PNLDC1: variants seen among roughly 807,000 people sequenced by gnomAD.
PNLDC1 encodes poly(A)-specific ribonuclease PNLDC1.
In PNLDC1, 70 loss-of-function variants were observed where a neutral mutation model predicts 82.0. The observed-to-expected ratio is 0.85, with a 90% CI of 0.70 to 1.04. PNLDC1 has a LOEUF of 1.04. Among genes scored for constraint, PNLDC1 ranks in the 50% least tolerant of loss-of-function variants. The pLI, the probability that PNLDC1 is intolerant of heterozygous loss-of-function variation, is 0.00. For synonymous variants in PNLDC1, 280 were observed against 249.3 expected (o/e 1.12, Z -1.16); for missense variants, 631 against 661.1 (o/e 0.95, Z 0.50).
At position 159,818,645 on chromosome 6, in the gene PNLDC1, C is replaced by T. The variant is rs1205569130; in HGVS notation, c.1248C>T (p.Val416=). 1.9e-6 allele frequency: 3 copies of T among 1,613,354 alleles called. No individual in the cohort carries two copies. Among genetic ancestry groups the T allele is most frequent in the Non-Finnish European group, 2.5e-6 (3 of 1,179,764 alleles). The change falls in exon 16 of 19, where the codon GTC becomes GTT. Residue 416 remains valine, a synonymous_variant. Transcript: ENST00000392167. The part of the protein sequence containing the change: ...VNQVNLIRAG[V]PKINFSGPDY... ...AAGTGAACCTCATCCGAGCGGGGGT[C>T]CCAAAGATCGTGAGTAGATCTCATT...
At position 159,818,128 on chromosome 6, in the gene PNLDC1, A is replaced by C. The variant is rs1583184765; in HGVS notation, c.1158-427A>C. The stretch of plus-strand genomic sequence containing the variant: ...GTGGTTTTGCCGGGGCCCTGCGCTC[A>C]GGTGTGTGTGCTCCCTGGACAGAGG... On this transcript the variant is annotated intron_variant, in intron 15 of 18. Coordinates refer to ENST00000392167, the MANE Select transcript of PNLDC1 (RefSeq NM_001271862.2). Among the ~76,000 whole-genome samples the C allele has an allele frequency of 2.0e-5, 3 of 152,268 alleles. No individual in the cohort carries two copies. The South Asian group carries it at 6.2e-4, about 32-fold the overall frequency.
Position 159,819,384 on chromosome 6 carries a change from C to G in PNLDC1, c.1532+32C>G. The G allele has an allele frequency of 1.3e-6, 2 of 1,592,718 alleles. No individual in the cohort carries two copies. The highest frequency in any genetic ancestry group is 2.2e-5 in the South Asian group (2 of 90,302). The stretch of plus-strand genomic sequence containing the variant: ...GACAGGCTGAGGCCACCTGCCTGTC[C>G]TGGGGTCCTGGAGTGCCCGGGGTCC... On this transcript the variant is annotated intron_variant, in intron 18 of 18. Coordinates refer to ENST00000392167, the MANE Select transcript of PNLDC1 (RefSeq NM_001271862.2). The surrounding 1 kb of genome is among the most constrained non-coding windows in gnomAD (Gnocchi z 4.6).
chr6:159,800,695 C>T (rs762387295), intron 1 of PNLDC1, 77 bp from the exon 2 acceptor site: 13 of 1,613,938 alleles, frequency 8.1e-6, no homozygotes, highest in Middle Eastern at 1.6e-4. Flanking sequence ...GTGCCTTGGC[C>T]GCCTGCAGAT....
chr6:159,806,167 T>A (rs1781439710), intron 7 of PNLDC1, 84 bp downstream of exon 7: 10 of 1,056,298 alleles, frequency 9.5e-6, no homozygotes, highest in Non-Finnish European at 1.5e-5. Flanking sequence ...ACACACCCTT[T>A]CTTGGGATCC....
intron 10 of PNLDC1, among the ~76,000 whole-genome samples, chr6:159,810,317 T>A (rs1781604935): frequency 6.6e-6 from 1 of 152,208 alleles, no homozygotes; most frequent in Non-Finnish European, 1.5e-5. Flanking sequence ...AATTTAAATT[T>A]GAATTGATAC....
intron 11 of PNLDC1, among the ~76,000 whole-genome samples, chr6:159,812,902 A>G (rs1347904147): frequency 6.6e-6 from 1 of 152,188 alleles, no homozygotes; most frequent in African/African-American, 2.4e-5. Flanking sequence ...GCACACCTCC[A>G]GTCCTGGCTA....
intron 7 of PNLDC1, 79 bp downstream of exon 7, chr6:159,806,162 C>G (rs543982495): frequency 1.8e-6 from 2 of 1,110,572 alleles, no homozygotes; most frequent in East Asian, 2.4e-5. Flanking sequence ...GGGAAACACA[C>G]CCTTTCTTGG....
chr6:159,801,133 A>G lies in PNLDC1; in HGVS notation c.155A>G (p.Glu52Gly). The G allele has an allele frequency of 6.2e-7, 1 of 1,614,158 alleles. No individual in the cohort carries two copies. The highest frequency in any genetic ancestry group is 8.5e-7 in the Non-Finnish European group (1 of 1,180,018). The change falls in exon 3 of 19, where the codon GAG becomes GGG. Residue 52 changes from glutamate (E) to glycine (G), a missense_variant. Coordinates refer to ENST00000392167, the MANE Select transcript of PNLDC1 (RefSeq NM_001271862.2). ...QQISLFDLPS[E>G]WYLKTRQSVQ... is the part of the protein sequence containing the mutation. Reference sequence around the variant, plus strand: ...CACAGTCTTTTTGATTTGCCATCGGAGTGGTATCTAAAGACCCGTCAGAGT... The same window carrying G: ...CACAGTCTTTTTGATTTGCCATCGGGGTGGTATCTAAAGACCCGTCAGAGT...
chr6:159,820,389 G>A, intron 18 of PNLDC1, 65 bp from the exon 19 acceptor site: 1 of 1,507,286 alleles, frequency 6.6e-7, no homozygotes, highest in East Asian at 2.3e-5. Context: ...GGAGGGGCAA[G>A]CCTGTGTCGG....
chr6:159,803,636 C>T (rs753554828), intron 4 of PNLDC1, among the ~76,000 whole-genome samples: 15 of 152,226 alleles, frequency 9.9e-5, no homozygotes, highest in Non-Finnish European at 1.6e-4. Context: ...CTACCTGACA[C>T]AGTAGGCAGA....
chr6:159,800,161 A>C (rs1265884210), upstream of PNLDC1: 2 of 669,248 alleles, frequency 3.0e-6, no homozygotes, highest in Non-Finnish European at 2.5e-6. Context: ...CGCCAGCAGC[A>C]CACGGGGAAG....
At chr6:159,803,185 A>G (rs1583165779) in intron 3 of PNLDC1, 86 bp from the exon 4 acceptor site, 1 of 1,292,560 alleles carries the variant, frequency 7.7e-7, no homozygotes, top group Non-Finnish European at 1.1e-6. Context: ...GTGGGCGCAA[A>G]GTACTGTTTG....
chr6:159,811,002 G>A (rs1456519909), intron 10 of PNLDC1, among the ~76,000 whole-genome samples: 1 of 152,222 alleles, frequency 6.6e-6, no homozygotes, highest in Non-Finnish European at 1.5e-5. Context: ...AATGACGCGC[G>A]TGGGGCGATA....
chr6:159,803,907 G>A (rs1184895861), intron 4 of PNLDC1, 58 bp from the exon 5 acceptor site: 1 of 1,563,156 alleles, frequency 6.4e-7, no homozygotes, highest in African/African-American at 1.4e-5. Flanking sequence ...GCCAGCCCTG[G>A]GAGCCAGAGT....
chr6:159,811,933 T>C (rs1383763702), intron 11 of PNLDC1, 147 bp downstream of exon 11: 1 of 658,744 alleles, frequency 1.5e-6, no homozygotes, highest in Non-Finnish European at 2.6e-6. Flanking sequence ...GGAGTCTTGC[T>C]CTCAAAGCCA....
chr6:159,810,091 C>G lies in PNLDC1; in HGVS notation c.849C>G (p.Leu283=), dbSNP rs147847910. ...LHLHEKFFRP[L]PESYDQFKQN... ...TCCATGAGAAGTTCTTCAGACCCCTCCCAGGTAGGGGCAAACCTGTCATTT... is the reference window on the plus strand; with the variant it reads ...TCCATGAGAAGTTCTTCAGACCCCTGCCAGGTAGGGGCAAACCTGTCATTT... The change falls in exon 10 of 19, where the codon CTC becomes CTG. Residue 283 remains leucine (L), a synonymous_variant. Coordinates refer to ENST00000392167, the MANE Select transcript of PNLDC1 (RefSeq NM_001271862.2). 129 of 1,613,366 alleles carry G rather than the reference C, an allele frequency of 8.0e-5. No individual in the cohort carries two copies. Among genetic ancestry groups the G allele is most frequent in the Non-Finnish European group, 1.0e-4 (119 of 1,179,362 alleles).
chr6:159,814,044 C>T (rs75522417), intron 12 of PNLDC1, among the ~76,000 whole-genome samples: 5,303 of 152,270 alleles, frequency 0.035, 115 homozygotes, highest in Non-Finnish European at 0.052. Context: ...TGCCCCTTCC[C>T]GGGGTGTCTC....
intron 12 of PNLDC1, among the ~76,000 whole-genome samples, chr6:159,814,568 C>T (rs1781753552): frequency 6.6e-6 from 1 of 152,150 alleles, no homozygotes; most frequent in Admixed American, 6.5e-5. Flanking sequence ...CCCTCAAGCA[C>T]ACTCTAGTGC....
chr6:159,815,868 T>C, intron 12 of PNLDC1, 101 bp from the exon 13 acceptor site: 2 of 885,388 alleles, frequency 2.3e-6, no homozygotes, highest in Non-Finnish European at 3.5e-6. Context: ...ATGTCCTCAG[T>C]ACATTTAAAA....
Sources: allele counts gnomAD v4.1 joint callset (sites outside exome capture counted in the v4.1 genomes callset), GRCh38; gene constraint gnomAD v4.1.1; non-coding constraint Gnocchi (gnomAD v3.1); transcripts MANE v1.5; gene names NCBI Gene and HGNC (gene_info 2026-07-23, HGNC 2026-07-21).